FRMD4A: variants seen among roughly 807,000 people sequenced by gnomAD.
The protein encoded by FRMD4A is FERM domain-containing protein 4A.
Under a neutral mutation model 129.1 loss-of-function variants are expected in FRMD4A, and 29 were observed. That is an observed-to-expected ratio of 0.22 (90% CI 0.17 to 0.31). The LOEUF (loss-of-function observed/expected upper bound fraction) is 0.31. Ranked by LOEUF, FRMD4A falls within the 10% of genes least tolerant of loss-of-function variation. FRMD4A has a pLI of 1.00. For missense variants in FRMD4A, 1,272 were observed against 1,375.8 expected (o/e 0.92, Z 1.19); for synonymous variants, 634 against 571.6 (o/e 1.11, Z -1.56).
At chr10:14,037,568 T>C (rs1323669704) in intron 2 of FRMD4A, among the ~76,000 whole-genome samples, 1 of 152,218 alleles carries the variant, frequency 6.6e-6, no homozygotes, top group Non-Finnish European at 1.5e-5. Context: ...ATGTCACTAA[T>C]TCAATGTGAA....
intron 2 of FRMD4A, among the ~76,000 whole-genome samples, chr10:14,194,831 TTC>T (rs1259859131): frequency 3.3e-5 from 5 of 151,972 alleles, no homozygotes; most frequent in Non-Finnish European, 7.4e-5. Context: ...TTATATCACA[TTC>T]ATTTATGTAA....
At chr10:13,832,726 A>G (rs2093809963) in intron 3 of FRMD4A, among the ~76,000 whole-genome samples, 1 of 152,134 alleles carries the variant, frequency 6.6e-6, no homozygotes, top group African/African-American at 2.4e-5. Flanking sequence ...CCTGCAGGCC[A>G]GGGGGTAGGT....
chr10:14,068,740 A>G (rs1835177526), intron 2 of FRMD4A, among the ~76,000 whole-genome samples: 1 of 152,196 alleles, frequency 6.6e-6, no homozygotes, highest in African/African-American at 2.4e-5. Flanking sequence ...AGATATTCAC[A>G]TATTAAGACA....
intron 14 of FRMD4A, 93 bp from the exon 15 acceptor site, chr10:13,694,132 T>A: frequency 9.8e-7 from 1 of 1,023,232 alleles, no homozygotes; most frequent in East Asian, 2.6e-5. Context: ...CGTCTTGACA[T>A]TCCGCAAAGG....
intron 4 of FRMD4A, among the ~76,000 whole-genome samples, chr10:13,808,260 A>C (rs993414399): frequency 6.6e-6 from 1 of 152,260 alleles, no homozygotes; most frequent in African/African-American, 2.4e-5. Flanking sequence ...GGCTGTCATA[A>C]AGAATGGAAC....
Position 13,714,059 on chromosome 10 carries a change from T to TATATATATATATATATATATATATA in FRMD4A, c.760-6947_760-6946insTATATATATATATATATATATATAT, listed in dbSNP as rs1207471495. Among the ~76,000 whole-genome samples the TATATATATATATATATATATATATA allele has an allele frequency of 2.0e-5, 2 of 101,324 alleles. 1 individual carries two copies. The highest frequency in any genetic ancestry group is 4.0e-5 in the Non-Finnish European group (2 of 49,476). The allele number at this position is 101,324 out of a possible 152,430, so 66.5% of individuals were successfully genotyped here. A position where few individuals can be genotyped will look rare whatever the true frequency, so the allele number is the denominator to read the frequency against. On this transcript the variant is annotated intron_variant, in intron 12 of 24. Transcript: ENST00000357447. Reference sequence around the variant, plus strand: ...ATATATATATATATATATATATATATAAAATATACTTTTTTTTTGAGACAC... The same window carrying TATATATATATATATATATATATATA: ...ATATATATATATATATATATATATATATATATATATATATATATATATATAAAAATATACTTTTTTTTTGAGACAC...
chr10:14,010,298 TA>T (rs1395511947), intron 2 of FRMD4A, among the ~76,000 whole-genome samples: 1 of 152,196 alleles, frequency 6.6e-6, no homozygotes, highest in African/African-American at 2.4e-5. Flanking sequence ...GTTCAGATCA[TA>T]AGGGACATTT....
chr10:13,655,136 G>C (rs938453882), intron 22 of FRMD4A: 8 of 152,282 alleles, frequency 5.3e-5, no homozygotes, highest in African/African-American at 1.7e-4. Context: ...AGTCCAGCTG[G>C]AAAGATTTAG....
At chr10:14,103,562 A>G (rs182357838) in intron 2 of FRMD4A, among the ~76,000 whole-genome samples, 2 of 152,282 alleles carry the variant, frequency 1.3e-5, no homozygotes, top group East Asian at 3.9e-4. Context: ...AGAGAAATAA[A>G]TATCTATCCT....
At chr10:13,790,791 C>T (rs977954666) in intron 5 of FRMD4A, among the ~76,000 whole-genome samples, 8 of 151,942 alleles carry the variant, frequency 5.3e-5, no homozygotes, top group East Asian at 1.9e-4. Context: ...ACCCATCTCT[C>T]GGCGGTTGCT....
chr10:14,267,642 A>G (rs1056444998), intron 2 of FRMD4A, among the ~76,000 whole-genome samples: 11 of 152,244 alleles, frequency 7.2e-5, no homozygotes, highest in African/African-American at 4.8e-5. Flanking sequence ...GAATACATGA[A>G]TTTAAAACTA....
chr10:13,656,868 C>A lies in FRMD4A; in HGVS notation c.2721G>T (p.Pro907=), dbSNP rs750583045. The change falls in exon 22 of 25, where the codon CCG becomes CCT. Residue 907 remains proline (P), a synonymous_variant. Transcript: ENST00000357447. ...TPSRSQILRT[P]SLGREGAHDK... is the part of the protein sequence containing the mutation. ...CGTGGGCGCCCTCGCGGCCCAGCGA[C>A]GGAGTCCGCAGGATCTGCGATCGCG... 2 of 1,488,556 alleles carry A rather than the reference C, an allele frequency of 1.3e-6. No homozygotes were observed. Among genetic ancestry groups the A allele is most frequent in the Non-Finnish European group, 1.8e-6 (2 of 1,123,662 alleles). 92.2% of individuals were successfully genotyped at this position (1,488,556 alleles called of 1,614,324 possible). A position where few individuals can be genotyped will look rare whatever the true frequency, so the allele number is the denominator to read the frequency against.
chr10:14,280,118 C>T (rs1027348117), intron 2 of FRMD4A, among the ~76,000 whole-genome samples: 1 of 152,290 alleles, frequency 6.6e-6, no homozygotes, highest in East Asian at 1.9e-4. Flanking sequence ...CAGGACAGAA[C>T]TGACCATTTA....
intron 3 of FRMD4A, among the ~76,000 whole-genome samples, chr10:13,857,049 C>T (rs113959359): frequency 1.3e-5 from 2 of 152,152 alleles, no homozygotes; most frequent in African/African-American, 4.8e-5. Context: ...CCCTTTATTG[C>T]CTCATTCTTC....
In FRMD4A at chr10:13,989,417, G is replaced by A. The variant is rs778005464; in HGVS notation, c.46-130505C>T. Among the ~76,000 whole-genome samples the A allele has an allele frequency of 9.2e-5, 14 of 152,092 alleles. No homozygotes were observed. In the South Asian group the frequency reaches 2.1e-3, roughly 23 times the overall value. On this transcript the variant is annotated intron_variant, in intron 2 of 24. Transcript: ENST00000357447. ...TGTCGCCAGGCTGGAGTGTAGTGGC[G>A]CCATCTTGGCTCACTGCAACTTCCG... is the stretch of plus-strand genomic sequence containing the variant.
intron 2 of FRMD4A, among the ~76,000 whole-genome samples, chr10:14,044,027 C>T (rs74965144): frequency 6.6e-6 from 1 of 152,168 alleles, no homozygotes; most frequent in East Asian, 1.9e-4. Flanking sequence ...TGGGGTCCCA[C>T]TGTGTTGCCC....
chr10:13,745,495 T>C (rs1376754093), intron 9 of FRMD4A, among the ~76,000 whole-genome samples: 1 of 152,096 alleles, frequency 6.6e-6, no homozygotes, highest in African/African-American at 2.4e-5. Flanking sequence ...CGTGATGGTA[T>C]GGGATGTTCT....
chr10:14,204,866 A>C (rs1037354710), intron 2 of FRMD4A, among the ~76,000 whole-genome samples: 1 of 152,114 alleles, frequency 6.6e-6, no homozygotes, highest in Non-Finnish European at 1.5e-5. Context: ...AAGCCTATTG[A>C]ACGCGAAAGC....
chr10:14,242,714 G>A lies in FRMD4A; in HGVS notation c.45+87344C>T, dbSNP rs142014244. Among the ~76,000 whole-genome samples, 208 of 152,298 alleles carry A rather than the reference G, an allele frequency of 1.4e-3. 2 individuals are homozygous for A. Among genetic ancestry groups the A allele is most frequent in the South Asian group, 2.5e-3 (12 of 4,820 alleles). On this transcript the variant is annotated intron_variant, in intron 2 of 24. Coordinates refer to ENST00000357447, the MANE Select transcript of FRMD4A (RefSeq NM_018027.5). Reference sequence around the variant, plus strand: ...GTCCTTCGTACAAATAATCTGAAACGAAACAACTAATACTCCAAGACTTTT... The same window carrying A: ...GTCCTTCGTACAAATAATCTGAAACAAAACAACTAATACTCCAAGACTTTT...
Sources: gnomAD v4.1 joint callset for allele counts (sites outside exome capture counted in the v4.1 genomes callset) on GRCh38, gnomAD v4.1.1 for gene constraint, MANE v1.5 for transcripts, NCBI Gene and HGNC (gene_info 2026-07-23, HGNC 2026-07-21) for gene names.